TENM3: variants seen among roughly 807,000 people sequenced by gnomAD.
TENM3 encodes the protein teneurin transmembrane protein 3.
Under a neutral mutation model 255.1 loss-of-function variants are expected in TENM3, and 63 were observed. The ratio of observed to expected loss-of-function variants is 0.25; its 90% CI spans 0.20 to 0.30. The LOEUF is 0.30. TENM3 is among the 10% of genes least tolerant of loss of function. The pLI is 1.00. For missense variants in TENM3, 2,929 were observed against 3,461.1 expected (o/e 0.85, Z 3.86); for synonymous variants, 1,306 against 1,322.3 (o/e 0.99, Z 0.27).
Position 182,490,749 on chromosome 4 carries a change from G to T in TENM3, c.512-110175G>T, listed in dbSNP as rs139675376. ...CTTATGAAGGGACTTGGCAACCTTG[G>T]TGGTATCTTAGGCATCGTATCAAGC... On this transcript the variant is annotated intron_variant, in intron 3 of 27. Coordinates refer to ENST00000511685, the MANE Select transcript of TENM3 (RefSeq NM_001080477.4). Among the ~76,000 whole-genome samples, 93 of 66,568 alleles carry T rather than the reference G, an allele frequency of 1.4e-3. 1 individual carries two copies. The highest frequency in any genetic ancestry group is 4.6e-3 in the African/African-American group (89 of 19,524). The allele number at this position is 66,568 out of a possible 152,430, so 43.7% of individuals were successfully genotyped here.
the TENM3 span, among the ~76,000 whole-genome samples, chr4:181,973,012 C>T: frequency 1.5e-4 from 23 of 152,064 alleles, no homozygotes; most frequent in East Asian, 1.9e-3. Context: ...CCAAGTGGAG[C>T]GGCACTTTAT....
intron 22 of TENM3, among the ~76,000 whole-genome samples, chr4:182,770,852 T>C (rs1211875333): frequency 2.6e-5 from 4 of 152,220 alleles, no homozygotes; most frequent in East Asian, 1.9e-4. Context: ...CTGAGGACCC[T>C]GACACCGGAG....
At chr4:182,541,791 G>A (rs1055069513) in intron 3 of TENM3, among the ~76,000 whole-genome samples, 2 of 152,138 alleles carry the variant, frequency 1.3e-5, no homozygotes, top group East Asian at 1.9e-4. Flanking sequence ...AGGCACAGTG[G>A]CTCATGGCTG....
the TENM3 span, among the ~76,000 whole-genome samples, chr4:181,531,664 C>T: frequency 1.7e-3 from 257 of 152,202 alleles, no homozygotes; most frequent in African/African-American, 6.0e-3. Flanking sequence ...AGAAGAAAGA[C>T]ATTAAACAAA....
the TENM3 span, among the ~76,000 whole-genome samples, chr4:181,606,360 CT>C: frequency 2.0e-5 from 3 of 152,196 alleles, no homozygotes; most frequent in Middle Eastern, 3.2e-3. Flanking sequence ...CTGACCTCCT[CT>C]TGTTCCTTCC....
At chr4:182,384,556 T>C (rs1767781440) in intron 3 of TENM3, among the ~76,000 whole-genome samples, 1 of 152,194 alleles carries the variant, frequency 6.6e-6, no homozygotes, top group African/African-American at 2.4e-5. Flanking sequence ...TTCCTTTCCA[T>C]TGACTTTCAA....
At chr4:181,677,409 A>C in the TENM3 span, among the ~76,000 whole-genome samples, 1 of 152,108 alleles carries the variant, frequency 6.6e-6, no homozygotes, top group African/African-American at 2.4e-5. Flanking sequence ...TTATCCAGCT[A>C]TGCAAAAGAG....
the TENM3 span, among the ~76,000 whole-genome samples, chr4:181,891,871 G>C: frequency 1.3e-5 from 2 of 152,138 alleles, no homozygotes; most frequent in Non-Finnish European, 2.9e-5. Context: ...GCGGAAAGGG[G>C]AGAGGTTGTT....
chr4:181,451,047 A>T, the TENM3 span, among the ~76,000 whole-genome samples: 3 of 152,156 alleles, frequency 2.0e-5, no homozygotes, highest in Non-Finnish European at 4.4e-5. Context: ...GTTCTGAGTG[A>T]TGAAAAAACT....
At chr4:181,490,726 T>A in the TENM3 span, among the ~76,000 whole-genome samples, 1 of 152,216 alleles carries the variant, frequency 6.6e-6, no homozygotes, top group Admixed American at 6.5e-5. Context: ...TGCTTATAAT[T>A]GTTATCAGTA....
chr4:181,590,912 G>A, the TENM3 span, among the ~76,000 whole-genome samples: 1 of 152,126 alleles, frequency 6.6e-6, no homozygotes, highest in Non-Finnish European at 1.5e-5. Flanking sequence ...GGATATGATA[G>A]GAATACACTA....
At chr4:182,762,457 A>G (rs1252324625) in intron 22 of TENM3, among the ~76,000 whole-genome samples, 1 of 152,212 alleles carries the variant, frequency 6.6e-6, no homozygotes, top group Non-Finnish European at 1.5e-5. Flanking sequence ...TAATAAAGCA[A>G]TAAGTTTACA....
chr4:181,818,849 C>T, the TENM3 span, among the ~76,000 whole-genome samples: 9 of 152,288 alleles, frequency 5.9e-5, no homozygotes, highest in South Asian at 6.2e-4. Flanking sequence ...GTGATCCACT[C>T]GCCTTGGCCT....
chr4:182,712,818 C>A (rs1026256620), intron 12 of TENM3, among the ~76,000 whole-genome samples: 2 of 152,152 alleles, frequency 1.3e-5, no homozygotes, highest in Non-Finnish European at 1.5e-5. Context: ...AAAACAAACC[C>A]CAATTGCTAT....
At chr4:181,533,913 T>A in the TENM3 span, among the ~76,000 whole-genome samples, 164 of 152,286 alleles carry the variant, frequency 1.1e-3, no homozygotes, top group African/African-American at 3.9e-3. Flanking sequence ...TTTATAGAGA[T>A]AAAACCCTCT....
intron 3 of TENM3, among the ~76,000 whole-genome samples, chr4:182,483,204 C>T (rs1240664406): frequency 6.6e-6 from 1 of 152,084 alleles, no homozygotes; most frequent in Non-Finnish European, 1.5e-5. Context: ...GCTGGACTAA[C>T]AACATTGTGT....
intron 3 of TENM3, among the ~76,000 whole-genome samples, chr4:182,490,379 G>A (rs558733777): frequency 1.4e-4 from 21 of 152,170 alleles, no homozygotes; most frequent in Middle Eastern, 3.2e-3. Context: ...ATTTTTGGAT[G>A]TGGAATCATA....
intron 2 of TENM3, among the ~76,000 whole-genome samples, chr4:182,331,215 C>T (rs1012092554): frequency 7.2e-5 from 11 of 152,118 alleles, no homozygotes; most frequent in African/African-American, 1.9e-4. Flanking sequence ...TGAAAGGAGT[C>T]AAATCTACTC....
chr4:182,331,608 G>C (rs61430690), intron 2 of TENM3, among the ~76,000 whole-genome samples: 1,777 of 152,222 alleles, frequency 0.012, 28 homozygotes, highest in African/African-American at 0.041. Context: ...TTTCATAAAA[G>C]TTATTGGTAT....
Sources: gnomAD v4.1 joint callset for allele counts (sites outside exome capture counted in the v4.1 genomes callset) on GRCh38, gnomAD v4.1.1 for gene constraint, MANE v1.5 for transcripts, NCBI Gene and HGNC (gene_info 2026-07-23, HGNC 2026-07-21) for gene names.